Variants in SAMD13 observed in about 807,000 individuals in gnomAD.
The protein encoded by SAMD13 is sterile alpha motif domain-containing protein 13.
In SAMD13, 9 loss-of-function variants were observed where a neutral mutation model predicts 12.4. That is an observed-to-expected ratio of 0.72 (90% CI 0.44 to 1.26). The LOEUF is 1.26. Ranked by LOEUF, SAMD13 falls within the 50% of genes most tolerant of loss-of-function variation. The pLI, the probability that SAMD13 is intolerant of heterozygous loss-of-function variation, is 0.00. For missense variants in SAMD13, 84 were observed against 119.6 expected, an observed-to-expected ratio of 0.70 and a Z score of 1.39; for synonymous variants, 46 against 45.4, an observed-to-expected ratio of 1.01 and a Z score of -0.05.
intron 2 of SAMD13, among the ~76,000 whole-genome samples, chr1:84,323,877 G>T (rs572817821): frequency 4.6e-5 from 7 of 152,244 alleles, no homozygotes; most frequent in African/African-American, 1.7e-4. Flanking sequence ...TCCCACAGGT[G>T]TACCTAGCCC....
intron 3 of SAMD13, among the ~76,000 whole-genome samples, chr1:84,337,766 C>G (rs985805664): frequency 1.3e-5 from 2 of 152,212 alleles, no homozygotes; most frequent in African/African-American, 4.8e-5. Flanking sequence ...ATCACATTGT[C>G]AGGGTGCAAA....
intron 3 of SAMD13, chr1:84,345,338 C>A: frequency 5.0e-6 from 2 of 402,194 alleles, no homozygotes; most frequent in Admixed American, 2.8e-5. Flanking sequence ...TGTTCTGATG[C>A]TTATGAAAGA....
chr1:84,319,466 AC>A (rs1274711802), intron 2 of SAMD13, among the ~76,000 whole-genome samples: 1 of 151,930 alleles, frequency 6.6e-6, no homozygotes, highest in African/African-American at 2.4e-5. Flanking sequence ...TACTAAAAAT[AC>A]AAAAAATACA....
At chr1:84,317,207 G>C (rs1349686495) in intron 2 of SAMD13, among the ~76,000 whole-genome samples, 1 of 151,880 alleles carries the variant, frequency 6.6e-6, no homozygotes, top group African/African-American at 2.4e-5. Flanking sequence ...TCTTTGTCTT[G>C]CCTAATTGCT....
At chr1:84,332,595 G>A (rs1416199554) in intron 3 of SAMD13, among the ~76,000 whole-genome samples, 3 of 151,884 alleles carry the variant, frequency 2.0e-5, no homozygotes, top group African/African-American at 7.2e-5. Flanking sequence ...TTTCTTGCTT[G>A]TTGATTTAAG....
In SAMD13 at chr1:84,303,249, C is replaced by CA. The variant is rs1174134995; in HGVS notation, c.16dup (p.Met6AsnfsTer22). The CA allele has an allele frequency of 6.2e-7, 1 of 1,612,966 alleles. No individual in the cohort carries two copies. Among genetic ancestry groups the CA allele is most frequent in the African/African-American group, 1.3e-5 (1 of 74,878 alleles). On this transcript the variant is annotated frameshift_variant, in exon 2 of 4. Coordinates refer to ENST00000394834, the MANE Select transcript of SAMD13 (RefSeq NM_001134663.2). LOFTEE classifies it high-confidence loss of function. ...GCAGCCTTCCCATGCTATCTGTTGA[C>CA]ATGGAAAACAAGGAAAATGGCTCTG...
intron 2 of SAMD13, among the ~76,000 whole-genome samples, chr1:84,321,769 T>G (rs1558448879): frequency 6.6e-6 from 1 of 152,198 alleles, no homozygotes; most frequent in Non-Finnish European, 1.5e-5. Context: ...CCATGTCAAA[T>G]GTTATCTGGC....
chr1:84,310,642 A>T (rs1014956349), intron 2 of SAMD13, among the ~76,000 whole-genome samples: 2 of 152,224 alleles, frequency 1.3e-5, no homozygotes, highest in African/African-American at 4.8e-5. Flanking sequence ...ATTTTCTTGT[A>T]ATATTTACAT....
intron 2 of SAMD13, among the ~76,000 whole-genome samples, chr1:84,324,430 T>TC (rs1287638548): frequency 6.6e-6 from 1 of 152,220 alleles, no homozygotes; most frequent in African/African-American, 2.4e-5. Context: ...GAAAAGAAAC[T>TC]CCCACGGGAA....
intron 2 of SAMD13, among the ~76,000 whole-genome samples, chr1:84,319,048 A>C (rs1390843769): frequency 6.6e-6 from 1 of 152,174 alleles, no homozygotes; most frequent in Non-Finnish European, 1.5e-5. Flanking sequence ...TATCTTTTAT[A>C]CATTGTCAGC....
intron 3 of SAMD13, among the ~76,000 whole-genome samples, chr1:84,334,882 T>C (rs316626): frequency 0.048 from 7,267 of 152,222 alleles, 234 homozygotes; most frequent in African/African-American, 0.089. Flanking sequence ...CTTACTGATA[T>C]ATATTTTTAT....
chr1:84,310,814 A>G (rs943777452), intron 2 of SAMD13, among the ~76,000 whole-genome samples: 1 of 152,202 alleles, frequency 6.6e-6, no homozygotes, highest in African/African-American at 2.4e-5. Flanking sequence ...CAATAAGCTT[A>G]TCAATTTCAA....
intron 3 of SAMD13, among the ~76,000 whole-genome samples, chr1:84,329,181 G>A (rs1334743171): frequency 1.3e-5 from 2 of 152,072 alleles, no homozygotes; most frequent in African/African-American, 4.8e-5. Flanking sequence ...ACTCTCAGGT[G>A]TAAGGATACA....
intron 3 of SAMD13, among the ~76,000 whole-genome samples, chr1:84,340,779 A>G (rs1449640436): frequency 1.3e-5 from 2 of 152,210 alleles, no homozygotes; most frequent in African/African-American, 2.4e-5. Context: ...GTGATGGTTA[A>G]TGTATCATCT....
chr1:84,308,023 A>G (rs1430803323), intron 2 of SAMD13, among the ~76,000 whole-genome samples: 1 of 152,012 alleles, frequency 6.6e-6, no homozygotes, highest in Non-Finnish European at 1.5e-5. Flanking sequence ...CTTTTTTTGT[A>G]GCTCTCTCCT....
rs1318360581 is a variant in SAMD13, at chr1:84,350,715, A to C, written c.*941A>C. On this transcript the variant is annotated 3_prime_UTR_variant, in exon 4 of 4. Transcript: ENST00000394834. ...AAGTGGGCTTGCTACATCTCTGTTC[A>C]AAGAGACATTTGTTCAATCTCTGTG... is the stretch of plus-strand genomic sequence containing the variant. 6.6e-6 allele frequency: 1 copy of C among 152,524 alleles called. No homozygotes were observed. The highest frequency in any genetic ancestry group is 1.9e-4 in the East Asian group (1 of 5,192). 9.4% of individuals were successfully genotyped at this position (152,524 alleles called of 1,614,324 possible). A position where few individuals can be genotyped will look rare whatever the true frequency, so the allele number is the denominator to read the frequency against.
At chr1:84,308,792 A>G (rs995139844) in intron 2 of SAMD13, among the ~76,000 whole-genome samples, 2 of 152,120 alleles carry the variant, frequency 1.3e-5, no homozygotes, top group African/African-American at 4.8e-5. Context: ...AAATTTTTTA[A>G]TTAAAAAAAA....
chr1:84,335,884 C>G (rs1679278566), intron 3 of SAMD13, among the ~76,000 whole-genome samples: 1 of 152,202 alleles, frequency 6.6e-6, no homozygotes, highest in South Asian at 2.1e-4. Context: ...CCAATATCTT[C>G]TGGCTTGCAG....
At chr1:84,314,283 T>C (rs1558443056) in intron 2 of SAMD13, among the ~76,000 whole-genome samples, 1 of 152,114 alleles carries the variant, frequency 6.6e-6, no homozygotes, top group Non-Finnish European at 1.5e-5. Context: ...CAGTCACATC[T>C]AGAAATGAAT....
Sources: allele counts gnomAD v4.1 joint callset (sites outside exome capture counted in the v4.1 genomes callset), GRCh38; gene constraint gnomAD v4.1.1; transcripts MANE v1.5; gene names NCBI Gene and HGNC (gene_info 2026-07-23, HGNC 2026-07-21).